The following DMRT2 variants were observed in gnomAD, a reference collection of about 807,000 sequenced individuals.
DMRT2 encodes the protein doublesex- and mab-3-related transcription factor 2.
A neutral mutation model predicts 43.5 loss-of-function variants in DMRT2; 33 were observed. The observed-to-expected ratio is 0.76, with a 90% CI of 0.58 to 1.01. The LOEUF (loss-of-function observed/expected upper bound fraction) is 1.01. Ranked by LOEUF, DMRT2 falls within the 50% of genes least tolerant of loss-of-function variation. DMRT2 has a pLI of 0.00. For synonymous variants in DMRT2, 395 were observed against 309.2 expected (o/e 1.28, Z -2.91); for missense variants, 1,064 against 748.0 (o/e 1.42, Z -4.93).
intron 3 of DMRT2, 35 bp downstream of exon 3, chr9:1,053,859 C>G: frequency 1.9e-6 from 3 of 1,550,640 alleles, no homozygotes; most frequent in Non-Finnish European, 2.7e-6. Flanking sequence ...GCCTTTTAAA[C>G]AGAGTTGAGT....
In DMRT2 at chr9:1,051,054, A is replaced by G. The variant is rs372128789; in HGVS notation, c.-45+279A>G. Among the ~76,000 whole-genome samples, 21 of 152,300 alleles carry G rather than the reference A, an allele frequency of 1.4e-4. No homozygotes were observed. In the East Asian group the frequency reaches 3.5e-3, roughly 25 times the overall value. On this transcript the variant is annotated intron_variant, in intron 1 of 3. Transcript: ENST00000358146. This position sits in a 1 kb window ranked among gnomAD's most constrained non-coding sequence, Gnocchi z 5.9. The stretch of plus-strand genomic sequence containing the variant: ...GGGTGAGAGGACCTCTTCAAGCCCA[A>G]GGAGGGGTCCTTGTGGTGGTGTAGG...
In DMRT2 at chr9:1,051,983, G is replaced by T; in HGVS notation, c.370G>T (p.Ala124Ser). The T allele has an allele frequency of 6.9e-7, 1 of 1,443,872 alleles. No individual in the cohort carries two copies. Among genetic ancestry groups the T allele is most frequent in the Non-Finnish European group, 9.1e-7 (1 of 1,104,280 alleles). 89.4% of individuals were successfully genotyped at this position (1,443,872 alleles called of 1,614,324 possible). A position where few individuals can be genotyped will look rare whatever the true frequency, so the allele number is the denominator to read the frequency against. The change falls in exon 2 of 4, where the codon GCG becomes TCG. Residue 124 changes from alanine to serine, a missense_variant. Transcript: ENST00000358146. This position sits in a 1 kb window ranked among gnomAD's most constrained non-coding sequence, Gnocchi z 5.9. ...PRKLSRTPKC[A>S]RCRNHGVVSC... ...CAAGCTGAGCCGCACGCCCAAGTGC[G>T]CGCGCTGCCGCAACCACGGCGTGGT...
At chr9:1,056,163 T>C (rs1821968513) in intron 3 of DMRT2, 53 bp from the exon 4 acceptor site, 1 of 1,541,882 alleles carries the variant, frequency 6.5e-7, no homozygotes, top group Non-Finnish European at 8.7e-7. Flanking sequence ...GGTTTCCACA[T>C]TTTTATTCCG....
At position 1,056,257 on chromosome 9, in the gene DMRT2, T is replaced by G. The variant is rs567238365; in HGVS notation, c.670T>G (p.Phe224Val). Residue 224 changes from phenylalanine (F) to valine (V), a missense_variant, in exon 4 of 4, where the codon TTC (phenylalanine) becomes GTC (valine). Transcript: ENST00000358146. ...IPAETYVGGT[F>V]PLPPPVSDRM... The stretch of plus-strand genomic sequence containing the variant: ...AGCGGAGACTTATGTAGGAGGGACC[T>G]TCCCTCTACCTCCCCCAGTTAGTGA... 6.2e-6 allele frequency: 10 copies of G among 1,614,014 alleles called. No individual in the cohort carries two copies. In the South Asian group the frequency reaches 7.7e-5, roughly 12 times the overall value.
chr9:1,052,089 A>G lies in DMRT2; in HGVS notation c.476A>G (p.Gln159Arg). The G allele has an allele frequency of 1.4e-6, 2 of 1,452,956 alleles. No homozygotes were observed. Among genetic ancestry groups the G allele is most frequent in the South Asian group, 1.3e-5 (1 of 74,382 alleles). The allele number at this position is 1,452,956 out of a possible 1,614,324, so 90.0% of individuals were successfully genotyped here. ...AACTGCCTGCTGGTGGTGGAGCGGC[A>G]GCGCGTCATGGCCGCCCAGGTGGCG... is the stretch of plus-strand genomic sequence containing the variant. ...CANCLLVVER[Q>R]RVMAAQVALR... is the part of the protein sequence containing the mutation. The change falls in exon 2 of 4, where the codon CAG becomes CGG. Residue 159 changes from glutamine (Q) to arginine (R), a missense_variant. Transcript: ENST00000358146.
Position 1,057,421 on chromosome 9 carries a change from C to A in DMRT2, c.*148C>A. On this transcript the variant is annotated 3_prime_UTR_variant, in exon 4 of 4. Coordinates refer to ENST00000358146, the MANE Select transcript of DMRT2 (RefSeq NM_181872.6). ...AAAAATTTTATATATTCCTAATATG[C>A]ATGTACTTTTTCTTATCACATATAT... is the stretch of plus-strand genomic sequence containing the variant. 2 of 829,542 alleles carry A rather than the reference C, an allele frequency of 2.4e-6. No homozygotes were observed. Among genetic ancestry groups the A allele is most frequent in the Non-Finnish European group, 3.6e-6 (2 of 556,416 alleles). 51.4% of individuals were successfully genotyped at this position (829,542 alleles called of 1,614,324 possible). A position where few individuals can be genotyped will look rare whatever the true frequency, so the allele number is the denominator to read the frequency against.
intron 3 of DMRT2, 35 bp downstream of exon 3, chr9:1,053,859 C>A: frequency 6.4e-7 from 1 of 1,550,638 alleles, no homozygotes; most frequent in Non-Finnish European, 8.9e-7. Flanking sequence ...GCCTTTTAAA[C>A]AGAGTTGAGT....
rs1016405568 is a variant in DMRT2, at chr9:1,051,719, G to A, written c.106G>A (p.Gly36Arg). 6.7e-5 allele frequency: 103 copies of A among 1,540,940 alleles called. No individual in the cohort carries two copies. Among genetic ancestry groups the A allele is most frequent in the Non-Finnish European group, 8.7e-5 (100 of 1,148,600 alleles). ...CGGGGCGCCGCGGTCCACGCCCCCC[G>A]GGCCCAGCCCGCCGCCGGCGGACGG... Reference protein sequence around the residue: ...VCGAPRSTPPGPSPPPADGDC... With the variant: ...VCGAPRSTPPRPSPPPADGDC... Residue 36 changes from glycine to arginine, a missense_variant, in exon 2 of 4, where the codon GGG (glycine) becomes AGG (arginine). Physicochemically the swap from Gly to Arg is moderately radical, Grantham distance 125 (BLOSUM62 -2). Coordinates refer to ENST00000358146, the MANE Select transcript of DMRT2 (RefSeq NM_181872.6). The surrounding 1 kb of genome is among the most constrained non-coding windows in gnomAD (Gnocchi z 5.9).
intron 3 of DMRT2, among the ~76,000 whole-genome samples, chr9:1,054,180 C>A (rs572829903): frequency 6.6e-6 from 1 of 152,198 alleles, no homozygotes; most frequent in East Asian, 1.9e-4. Flanking sequence ...AAATTTACCC[C>A]GTATGAGGGA....
In DMRT2 at chr9:1,056,961, A is replaced by C; in HGVS notation, c.1374A>C (p.Glu458Asp). The C allele has an allele frequency of 6.2e-7, 1 of 1,614,206 alleles. No individual in the cohort carries two copies. Among genetic ancestry groups the C allele is most frequent in the Non-Finnish European group, 8.5e-7 (1 of 1,180,040 alleles). ...ATGTCTTAACGAAGATCAGCAAAGA[A>C]AACACCAGGCACCCTCTGCCACTTA... ...QGHVLTKISK[E>D]NTRHPLPLRH... The change falls in exon 4 of 4, where the codon GAA (glutamate) becomes GAC (aspartate). Residue 458 changes from glutamate to aspartate, a missense_variant. By Grantham distance (45) the Glu-to-Asp change is conservative (BLOSUM62 2). Transcript: ENST00000358146.
chr9:1,055,859 T>C, intron 3 of DMRT2: 1 of 1,516,092 alleles, frequency 6.6e-7, no homozygotes, highest in Admixed American at 2.6e-5. Flanking sequence ...AAACATTGAT[T>C]GATACAAGAT....
In DMRT2 at chr9:1,057,332, C is replaced by A; in HGVS notation, c.*59C>A. 2 of 1,484,096 alleles carry A rather than the reference C, an allele frequency of 1.3e-6. No homozygotes were observed. The highest frequency in any genetic ancestry group is 1.5e-5 in the South Asian group (1 of 68,512). 91.9% of individuals were successfully genotyped at this position (1,484,096 alleles called of 1,614,324 possible). A position where few individuals can be genotyped will look rare whatever the true frequency, so the allele number is the denominator to read the frequency against. On this transcript the variant is annotated 3_prime_UTR_variant, in exon 4 of 4. Transcript: ENST00000358146. ...AGTCTTAGAGCATTATAGCCATTTG[C>A]TACTTTTTTTAAAAGTTAAGATGTT...
chr9:1,054,116 C>T (rs1821806345), intron 3 of DMRT2, among the ~76,000 whole-genome samples: 1 of 152,094 alleles, frequency 6.6e-6, no homozygotes, highest in African/African-American at 2.4e-5. Context: ...TTGAAGAATC[C>T]CTATTATTTG....
At chr9:1,052,217 A>AC (rs1821645094) in intron 2 of DMRT2, 79 bp downstream of exon 2, 4 of 1,162,380 alleles carry the variant, frequency 3.4e-6, no homozygotes, top group South Asian at 4.9e-5. Flanking sequence ...GGCCGTCCAC[A>AC]CCCCCCGCGC....
chr9:1,053,709 C>G lies in DMRT2; in HGVS notation c.526-13C>G. 1 of 1,607,396 alleles carries G rather than the reference C, an allele frequency of 6.2e-7. No homozygotes were observed. Among genetic ancestry groups the G allele is most frequent in the Non-Finnish European group, 8.5e-7 (1 of 1,176,194 alleles). On this transcript the variant is annotated splice_polypyrimidine_tract_variant and intron_variant, in intron 2 of 3. Transcript: ENST00000358146. ...TTTCAGGGCATTATTGATGATGTTT[C>G]TTGTGTTTACAGGACAAGAAGGGGC...
Position 1,057,144 on chromosome 9 carries a change from T to C in DMRT2, c.1557T>C (p.Asp519=), listed in dbSNP as rs766231319. Residue 519 remains aspartate, a synonymous_variant, in exon 4 of 4, where the codon GAT becomes GAC. Transcript: ENST00000358146. ...ACCAGAAGTACACATTTACAATAGA[T>C]AGATGTGCAAAAGACCTTTTTGTAG... The part of the protein sequence containing the change: ...KDNQKYTFTI[D]RCAKDLFVAK... 9.3e-6 allele frequency: 15 copies of C among 1,613,982 alleles called. No individual in the cohort carries two copies. Among genetic ancestry groups the C allele is most frequent in the Non-Finnish European group, 1.3e-5 (15 of 1,180,002 alleles).
Position 1,056,288 on chromosome 9 carries a change from T to G in DMRT2, c.701T>G (p.Met234Arg). 6.2e-7 allele frequency: 1 copy of G among 1,614,170 alleles called. No individual in the cohort carries two copies. The highest frequency in any genetic ancestry group is 8.5e-7 in the Non-Finnish European group (1 of 1,180,028). The change falls in exon 4 of 4, where the codon ATG becomes AGG. Residue 234 changes from methionine (M) to arginine (R), a missense_variant. Transcript: ENST00000358146. ...CTACCTCCCCCAGTTAGTGACAGGA[T>G]GAGGAAAAGAAGAGCCTTTGCTGAT... ...FPLPPPVSDR[M>R]RKRRAFADKE...
chr9:1,051,672 T>C lies in DMRT2; in HGVS notation c.59T>C (p.Leu20Pro), dbSNP rs1334678619. ...AGDWEIDVES[L>P]ELEEDVCGAP... The stretch of plus-strand genomic sequence containing the variant: ...GACTGGGAGATCGATGTCGAGAGCC[T>C]GGAGCTGGAAGAGGACGTCTGCGGG... The change falls in exon 2 of 4, where the codon CTG becomes CCG. Residue 20 changes from leucine (L) to proline (P), a missense_variant. By Grantham distance (98) the Leu-to-Pro change is moderately conservative. Coordinates refer to ENST00000358146, the MANE Select transcript of DMRT2 (RefSeq NM_181872.6). The surrounding 1 kb of genome is among the most constrained non-coding windows in gnomAD (Gnocchi z 5.9). 6.4e-7 allele frequency: 1 copy of C among 1,570,592 alleles called. No homozygotes were observed. Among genetic ancestry groups the C allele is most frequent in the Non-Finnish European group, 8.6e-7 (1 of 1,166,436 alleles).
At chr9:1,050,896 G>C (rs1237748894) in intron 1 of DMRT2, 121 bp downstream of exon 1, 2 of 152,260 alleles carry the variant, frequency 1.3e-5, no homozygotes, top group Non-Finnish European at 2.9e-5. Context: ...TAAGTACAGA[G>C]AGCCCACGCG....
Sources: gnomAD v4.1 joint callset for allele counts (sites outside exome capture counted in the v4.1 genomes callset) on GRCh38, gnomAD v4.1.1 for gene constraint, Gnocchi (gnomAD v3.1) non-coding constraint, MANE v1.5 for transcripts, NCBI Gene and HGNC (gene_info 2026-07-23, HGNC 2026-07-21) for gene names.